LHFPL3: variants seen among roughly 807,000 people sequenced by gnomAD.
The protein encoded by LHFPL3 is LHFPL tetraspan subfamily member 3 protein.
A neutral mutation model predicts 19.3 loss-of-function variants in LHFPL3; 5 were observed. The ratio of observed to expected loss-of-function variants is 0.26; its 90% CI spans 0.14 to 0.54. LHFPL3 has a LOEUF of 0.54. LHFPL3 is among the 20% of genes least tolerant of loss of function. The pLI is 0.94. For synonymous variants in LHFPL3, 133 were observed against 126.2 expected (o/e 1.05, Z -0.36); for missense variants, 249 against 307.4 (o/e 0.81, Z 1.42).
intron 1 of LHFPL3, among the ~76,000 whole-genome samples, chr7:104,338,288 A>T (rs1789877015): frequency 6.6e-6 from 1 of 151,508 alleles, no homozygotes; most frequent in African/African-American, 2.4e-5. Context: ...TTTAGTAGAG[A>T]CGGGGTGTCA....
At chr7:104,447,716 A>T (rs1170912646) in intron 1 of LHFPL3, among the ~76,000 whole-genome samples, 1 of 152,152 alleles carries the variant, frequency 6.6e-6, no homozygotes, top group Admixed American at 6.5e-5. Context: ...CTTCACCAAG[A>T]TTCCTATCTT....
intron 1 of LHFPL3, chr7:104,669,705 T>C: frequency 5.5e-6 from 6 of 1,096,818 alleles, no homozygotes; most frequent in Non-Finnish European, 7.8e-6. Context: ...TACCTTTTTT[T>C]TAAAACAAAA....
At chr7:104,390,789 C>T (rs1191504404) in intron 1 of LHFPL3, among the ~76,000 whole-genome samples, 1 of 152,202 alleles carries the variant, frequency 6.6e-6, no homozygotes, top group African/African-American at 2.4e-5. Context: ...AAGTAGTTTA[C>T]AGCCCCACCA....
chr7:104,584,234 A>G (rs941460876), intron 1 of LHFPL3, among the ~76,000 whole-genome samples: 1 of 151,950 alleles, frequency 6.6e-6, no homozygotes, highest in Non-Finnish European at 1.5e-5. Flanking sequence ...CGCATGTTCT[A>G]ACTCATAGGT....
intron 1 of LHFPL3, among the ~76,000 whole-genome samples, chr7:104,491,436 G>C (rs1183847190): frequency 6.6e-6 from 1 of 151,068 alleles, no homozygotes. Context: ...TAATGTCCCT[G>C]TCACCCTTGG....
chr7:104,867,512 G>C (rs1279004205), intron 2 of LHFPL3, among the ~76,000 whole-genome samples: 1 of 151,992 alleles, frequency 6.6e-6, no homozygotes. Flanking sequence ...CATACACCCT[G>C]CCAAGACTAA....
At chr7:104,812,688 T>C (rs1187182740) in intron 2 of LHFPL3, among the ~76,000 whole-genome samples, 3 of 149,630 alleles carry the variant, frequency 2.0e-5, no homozygotes, top group Non-Finnish European at 3.0e-5. Flanking sequence ...CCTGTAATCC[T>C]AGCTACTCAG....
At chr7:104,721,221 A>T (rs1442951711) in intron 1 of LHFPL3, among the ~76,000 whole-genome samples, 1 of 152,198 alleles carries the variant, frequency 6.6e-6, no homozygotes, top group African/African-American at 2.4e-5. Flanking sequence ...AAAAAGGATG[A>T]GTTCATGTCT....
intron 2 of LHFPL3, among the ~76,000 whole-genome samples, chr7:104,872,954 T>C (rs1385431989): frequency 6.6e-6 from 1 of 152,252 alleles, no homozygotes; most frequent in African/African-American, 2.4e-5. Context: ...TAGACTTTTC[T>C]ATGACTGGCA....
intron 1 of LHFPL3, among the ~76,000 whole-genome samples, chr7:104,520,224 C>G (rs1041653636): frequency 9.2e-5 from 14 of 152,116 alleles, no homozygotes; most frequent in East Asian, 1.9e-4. Context: ...TTTGTCTTTG[C>G]TTCTGTTTAT....
chr7:104,839,439 G>A (rs1295318371), intron 2 of LHFPL3, among the ~76,000 whole-genome samples: 2 of 152,160 alleles, frequency 1.3e-5, no homozygotes, highest in Admixed American at 1.3e-4. Context: ...GGCCGAGGCA[G>A]GCAGATCACT....
intron 1 of LHFPL3, among the ~76,000 whole-genome samples, chr7:104,344,878 A>T (rs1410715889): frequency 1.3e-5 from 2 of 152,118 alleles, no homozygotes; most frequent in Non-Finnish European, 2.9e-5. Context: ...TTCATTTGTC[A>T]CACTGGCTTT....
chr7:104,845,393 G>C (rs1196503296), intron 2 of LHFPL3: 1 of 1,533,588 alleles, frequency 6.5e-7, no homozygotes, highest in Admixed American at 2.0e-5. Flanking sequence ...TGATGGAAAT[G>C]CTTAAGGCAA....
chr7:104,350,985 A>T (rs1790162316), intron 1 of LHFPL3, among the ~76,000 whole-genome samples: 1 of 150,500 alleles, frequency 6.6e-6, no homozygotes, highest in Non-Finnish European at 1.5e-5. Flanking sequence ...GGTTTCAGTG[A>T]GCTGAGATTA....
At chr7:104,425,873 T>C (rs1476265756) in intron 1 of LHFPL3, among the ~76,000 whole-genome samples, 1 of 152,210 alleles carries the variant, frequency 6.6e-6, no homozygotes, top group Non-Finnish European at 1.5e-5. Flanking sequence ...GTCTGTTGCT[T>C]ATGAAATAGA....
intron 1 of LHFPL3, among the ~76,000 whole-genome samples, chr7:104,487,048 G>A (rs188325036): frequency 1.2e-4 from 18 of 151,258 alleles, no homozygotes; most frequent in Middle Eastern, 3.4e-3. Context: ...ACTGTCTTTC[G>A]TTTTTCCTGC....
chr7:104,731,085 G>C (rs1435946948), intron 1 of LHFPL3, among the ~76,000 whole-genome samples: 2 of 152,156 alleles, frequency 1.3e-5, no homozygotes, highest in Non-Finnish European at 2.9e-5. Context: ...TGAGGGCTCT[G>C]TTCTGTTCTA....
At chr7:104,766,437 T>C (rs766371428) in intron 2 of LHFPL3, among the ~76,000 whole-genome samples, 28 of 152,316 alleles carry the variant, frequency 1.8e-4, no homozygotes, top group Non-Finnish European at 3.2e-4. Flanking sequence ...TTTCTCCACC[T>C]TGTACATTTT....
chr7:104,847,774 A>T (rs1273062711), intron 2 of LHFPL3, among the ~76,000 whole-genome samples: 1 of 152,260 alleles, frequency 6.6e-6, no homozygotes, highest in Admixed American at 6.5e-5. Flanking sequence ...GGCCTCCCAA[A>T]GTGCTGGGAT....
Sources: gnomAD v4.1 joint callset for allele counts (sites outside exome capture counted in the v4.1 genomes callset) on GRCh38, gnomAD v4.1.1 for gene constraint, MANE v1.5 for transcripts, NCBI Gene and HGNC (gene_info 2026-07-23, HGNC 2026-07-21) for gene names.